The following SEMA3E variants were observed in gnomAD, a reference collection of about 807,000 sequenced individuals.
SEMA3E encodes semaphorin-3E.
In SEMA3E, 49 loss-of-function variants were observed where a neutral mutation model predicts 93.6. That is an observed-to-expected ratio of 0.52 (90% CI 0.42 to 0.66). SEMA3E has a LOEUF of 0.66. Among genes scored for constraint, SEMA3E ranks in the 30% least tolerant of loss-of-function variants. The pLI is 0.00. For synonymous variants in SEMA3E, 363 were observed against 330.7 expected, an observed-to-expected ratio of 1.10 and a Z score of -1.06; for missense variants, 906 against 964.8, an observed-to-expected ratio of 0.94 and a Z score of 0.81.
At chr7:83,641,224 G>C (rs1308836706) in intron 1 of SEMA3E, 1 of 221,790 alleles carries the variant, frequency 4.5e-6, no homozygotes, top group African/African-American at 2.3e-5. Flanking sequence ...CTTTTCCTTT[G>C]AAAAACACAG....
chr7:83,446,656 G>C (rs747000587), intron 4 of SEMA3E, among the ~76,000 whole-genome samples: 1 of 152,128 alleles, frequency 6.6e-6, no homozygotes. Flanking sequence ...AACTCTCTAC[G>C]TGACCCTTCA....
At chr7:83,579,556 A>G (rs1419226725) in intron 1 of SEMA3E, among the ~76,000 whole-genome samples, 1 of 152,142 alleles carries the variant, frequency 6.6e-6, no homozygotes, top group East Asian at 1.9e-4. Flanking sequence ...TTTCACTTGT[A>G]GCAAGACAAC....
At chr7:83,526,987 A>G (rs969516794) in intron 1 of SEMA3E, among the ~76,000 whole-genome samples, 1 of 152,042 alleles carries the variant, frequency 6.6e-6, no homozygotes, top group African/African-American at 2.4e-5. Flanking sequence ...CTTCTTTGCA[A>G]ATAGAGTCTT....
intron 2 of SEMA3E, among the ~76,000 whole-genome samples, chr7:83,483,007 A>G (rs1288808572): frequency 6.6e-6 from 1 of 152,070 alleles, no homozygotes; most frequent in African/African-American, 2.4e-5. Context: ...ATGAAGAACT[A>G]TATTTGCTCA....
At chr7:83,629,892 T>A (rs1793752627) in intron 1 of SEMA3E, among the ~76,000 whole-genome samples, 1 of 152,166 alleles carries the variant, frequency 6.6e-6, no homozygotes, top group Non-Finnish European at 1.5e-5. Flanking sequence ...CCCAGCTTTG[T>A]GCTTGAAACC....
At chr7:83,368,207 CTCTGTGTGTGTGTG>C (rs1308829236) in intron 16 of SEMA3E, among the ~76,000 whole-genome samples, 169 bp from the exon 17 acceptor site, 3 of 129,102 alleles carry the variant, frequency 2.3e-5, no homozygotes, top group South Asian at 2.4e-4. Flanking sequence ...CTCTCTCTCT[CTCTGTGTGTGTGTG>C]TGTGTGTGTG....
intron 1 of SEMA3E, among the ~76,000 whole-genome samples, chr7:83,638,572 T>C (rs1793927219): frequency 6.6e-6 from 1 of 152,192 alleles, no homozygotes; most frequent in Non-Finnish European, 1.5e-5. Flanking sequence ...ACTTTATATT[T>C]AATACAAAAA....
intron 2 of SEMA3E, among the ~76,000 whole-genome samples, chr7:83,486,396 A>G (rs1295534494): frequency 1.3e-5 from 2 of 152,134 alleles, no homozygotes; most frequent in Admixed American, 6.6e-5. Flanking sequence ...AAGCTCAGAG[A>G]TAGAGAAAGC....
intron 1 of SEMA3E, among the ~76,000 whole-genome samples, chr7:83,555,914 G>A (rs917058575): frequency 2.6e-5 from 4 of 152,078 alleles, no homozygotes; most frequent in Admixed American, 2.0e-4. Flanking sequence ...GAGGGTCTAT[G>A]TCATACCTCC....
intron 16 of SEMA3E, among the ~76,000 whole-genome samples, chr7:83,376,013 A>C (rs1794817373): frequency 1.3e-5 from 2 of 152,250 alleles, no homozygotes; most frequent in South Asian, 2.1e-4. Context: ...TAGAAAAGTA[A>C]ATTCTGAATA....
chr7:83,456,995 T>A (rs1789496958), intron 4 of SEMA3E, among the ~76,000 whole-genome samples: 1 of 152,180 alleles, frequency 6.6e-6, no homozygotes, highest in South Asian at 2.1e-4. Context: ...TAATTACTTA[T>A]CCCCTTACTA....
chr7:83,589,726 G>T (rs1792715166), intron 1 of SEMA3E, among the ~76,000 whole-genome samples: 1 of 151,886 alleles, frequency 6.6e-6, no homozygotes, highest in East Asian at 1.9e-4. Context: ...TATTGAAATG[G>T]AGTATGTATT....
At chr7:83,479,551 T>A (rs115490183) in intron 2 of SEMA3E, among the ~76,000 whole-genome samples, 1,759 of 152,328 alleles carry the variant, frequency 0.012, 30 homozygotes, top group African/African-American at 0.04. Flanking sequence ...TAGCTTCAGT[T>A]ATAACAATGA....
chr7:83,613,994 A>C (rs1793316225), intron 1 of SEMA3E, among the ~76,000 whole-genome samples: 1 of 152,090 alleles, frequency 6.6e-6, no homozygotes, highest in African/African-American at 2.4e-5. Context: ...CTGAGTCTCT[A>C]ATTGGAGCAT....
chr7:83,560,733 A>G (rs1315525483), intron 1 of SEMA3E, among the ~76,000 whole-genome samples: 1 of 143,476 alleles, frequency 7.0e-6, no homozygotes, highest in Non-Finnish European at 1.5e-5. Flanking sequence ...TCCTTTAAAA[A>G]TAGTCTCCAT....
intron 4 of SEMA3E, among the ~76,000 whole-genome samples, chr7:83,456,976 T>C (rs1789495904): frequency 6.6e-6 from 1 of 152,154 alleles, no homozygotes; most frequent in Admixed American, 6.5e-5. Flanking sequence ...TATTCAGTAA[T>C]CTCCTTTCTA....
At chr7:83,588,112 G>A (rs546596477) in intron 1 of SEMA3E, among the ~76,000 whole-genome samples, 14 of 152,056 alleles carry the variant, frequency 9.2e-5, no homozygotes, top group Non-Finnish European at 1.9e-4. Context: ...AGGCCGGCGC[G>A]GTGGCTCATG....
chr7:83,573,859 T>A (rs1792342097), intron 1 of SEMA3E, among the ~76,000 whole-genome samples: 1 of 151,924 alleles, frequency 6.6e-6, no homozygotes, highest in South Asian at 2.1e-4. Context: ...TAATTCTTTA[T>A]AATACTATTT....
intron 5 of SEMA3E, 137 bp downstream of exon 5, chr7:83,418,253 C>A: frequency 5.6e-6 from 4 of 709,446 alleles, no homozygotes; most frequent in Non-Finnish European, 1.0e-5. Context: ...AATTTAATAT[C>A]ATTGCTTCGA....
Sources: gnomAD v4.1 joint callset for allele counts (sites outside exome capture counted in the v4.1 genomes callset) on GRCh38, gnomAD v4.1.1 for gene constraint, MANE v1.5 for transcripts, NCBI Gene and HGNC (gene_info 2026-07-23, HGNC 2026-07-21) for gene names.